The following MCMBP variants were observed in gnomAD, a reference collection of about 807,000 sequenced individuals.
MCMBP encodes the protein minichromosome maintenance complex binding protein.
Under a neutral mutation model 81.3 loss-of-function variants are expected in MCMBP, and 31 were observed. The observed-to-expected ratio is 0.38, with a 90% CI of 0.29 to 0.51. MCMBP has a LOEUF of 0.51. Ranked by LOEUF, MCMBP falls within the 20% of genes least tolerant of loss-of-function variation. The pLI, the probability that MCMBP is intolerant of heterozygous loss-of-function variation, is 0.87. For missense variants in MCMBP, 645 were observed against 772.1 expected, an observed-to-expected ratio of 0.84 and a Z score of 1.95; for synonymous variants, 267 against 275.9, an observed-to-expected ratio of 0.97 and a Z score of 0.32.
At chr10:119,859,302 A>C (rs892533444) in intron 2 of MCMBP, 121 bp from the exon 3 acceptor site, 2 of 712,962 alleles carry the variant, frequency 2.8e-6, no homozygotes, top group Non-Finnish European at 4.3e-6. Flanking sequence ...ACACACACAC[A>C]CACCCATGCC....
At chr10:119,863,107 C>T (rs1342638775) in intron 1 of MCMBP, among the ~76,000 whole-genome samples, 2 of 152,142 alleles carry the variant, frequency 1.3e-5, no homozygotes, top group African/African-American at 2.4e-5. Flanking sequence ...CTTGTCTTTT[C>T]ATGCTCCTAA....
chr10:119,847,977 C>T (rs1264632432), intron 7 of MCMBP, among the ~76,000 whole-genome samples: 2 of 151,548 alleles, frequency 1.3e-5, no homozygotes, highest in Non-Finnish European at 2.9e-5. Flanking sequence ...AAGGCTTTTC[C>T]TAAAATTAAA....
intron 1 of MCMBP, among the ~76,000 whole-genome samples, chr10:119,868,722 TGGAGCAG>T (rs1450265948): frequency 2.6e-5 from 4 of 152,136 alleles, no homozygotes; most frequent in African/African-American, 9.7e-5. Flanking sequence ...TGCAGTAACA[TGGAGCAG>T]GGGTACCCTA....
At chr10:119,872,492 GC>G (rs1761340843) in intron 1 of MCMBP, 34 bp downstream of exon 1, 2 of 1,156,724 alleles carry the variant, frequency 1.7e-6, no homozygotes, top group Admixed American at 9.3e-5. Flanking sequence ...AAACTCGGCT[GC>G]CCGCCCGGCC....
rs1240177539 is a variant in MCMBP, at chr10:119,837,009, G to A, written c.1429C>T (p.Leu477=). 6.2e-7 allele frequency: 1 copy of A among 1,613,294 alleles called. No individual in the cohort carries two copies. Among genetic ancestry groups the A allele is most frequent in the African/African-American group, 1.3e-5 (1 of 74,820 alleles). ...DTPGVHNVTA[L]SNLITWQKVD... Reference sequence around the variant, plus strand: ...TTCTGCCACGTTATGAGGTTGCTCAGGGCTGTCACATTATGAACACCTACA... The same window carrying A: ...TTCTGCCACGTTATGAGGTTGCTCAAGGCTGTCACATTATGAACACCTACA... The change falls in exon 13 of 16, where the codon CTG becomes TTG. Residue 477 remains leucine, a synonymous_variant. Coordinates refer to ENST00000369077, the MANE Select transcript of MCMBP (RefSeq NM_001256378.2).
At chr10:119,871,744 C>A (rs1395679444) in intron 1 of MCMBP, among the ~76,000 whole-genome samples, 1 of 152,166 alleles carries the variant, frequency 6.6e-6, no homozygotes, top group African/African-American at 2.4e-5. Flanking sequence ...CCACTCATTA[C>A]GTGTAAAAAG....
intron 5 of MCMBP, 24 bp from the exon 6 acceptor site, chr10:119,853,218 A>G (rs372944394): frequency 1.9e-6 from 3 of 1,591,048 alleles, no homozygotes; most frequent in Non-Finnish European, 1.7e-6. Flanking sequence ...TTAAGAAAAG[A>G]CTATCATAAA....
chr10:119,872,250 C>T (rs1028809469), intron 1 of MCMBP, among the ~76,000 whole-genome samples: 20 of 151,854 alleles, frequency 1.3e-4, no homozygotes, highest in African/African-American at 4.8e-4. Context: ...TCAATCACAG[C>T]CCGCGAATCA....
intron 1 of MCMBP, among the ~76,000 whole-genome samples, chr10:119,865,468 G>A (rs1456677631): frequency 6.6e-6 from 1 of 152,162 alleles, no homozygotes; most frequent in Non-Finnish European, 1.5e-5. Flanking sequence ...GGTGGTACCT[G>A]TAATCCCAGC....
intron 13 of MCMBP, 77 bp downstream of exon 13, chr10:119,836,819 G>A: frequency 2.0e-6 from 1 of 500,446 alleles, no homozygotes; most frequent in South Asian, 3.1e-5. Context: ...TTATTAATAA[G>A]CGGTACCAAG....
chr10:119,838,065 C>T (rs1431689346), intron 12 of MCMBP, among the ~76,000 whole-genome samples: 3 of 151,716 alleles, frequency 2.0e-5, no homozygotes, highest in East Asian at 3.9e-4. Context: ...CGCAAAAGAA[C>T]CCAACACTGT....
Position 119,849,356 on chromosome 10 carries a change from G to A in MCMBP, c.726+69C>T, listed in dbSNP as rs2134368288. On this transcript the variant is annotated intron_variant, in intron 7 of 15. Transcript: ENST00000369077. ...CCAGCACAAGGGAACAAATGCAAATGCTCAGACACTAAGCTACTTTCTGAG... is the reference window on the plus strand; with the variant it reads ...CCAGCACAAGGGAACAAATGCAAATACTCAGACACTAAGCTACTTTCTGAG... 2.0e-6 allele frequency: 3 copies of A among 1,493,326 alleles called. No individual in the cohort carries two copies. In the African/African-American group the frequency reaches 4.3e-5, roughly 21 times the overall value. The allele number at this position is 1,493,326 out of a possible 1,614,324, so 92.5% of individuals were successfully genotyped here.
intron 7 of MCMBP, 126 bp downstream of exon 7, chr10:119,849,299 T>C (rs1852727158): frequency 1.0e-6 from 1 of 956,428 alleles, no homozygotes. Flanking sequence ...TGCTTTAGGC[T>C]ATTAAATTTG....
intron 6 of MCMBP, among the ~76,000 whole-genome samples, chr10:119,851,443 T>C (rs1211951108): frequency 6.6e-6 from 1 of 152,174 alleles, no homozygotes; most frequent in Non-Finnish European, 1.5e-5. Context: ...GTTACTATGA[T>C]ATTTATTTGA....
At chr10:119,862,512 A>C (rs1853296316) in intron 1 of MCMBP, among the ~76,000 whole-genome samples, 1 of 152,164 alleles carries the variant, frequency 6.6e-6, no homozygotes, top group African/African-American at 2.4e-5. Flanking sequence ...ACTCCCCAAC[A>C]CATTTGTATA....
chr10:119,851,234 T>C (rs569193542), intron 6 of MCMBP, among the ~76,000 whole-genome samples: 27 of 152,164 alleles, frequency 1.8e-4, no homozygotes, highest in Non-Finnish European at 3.2e-4. Context: ...TTTAAAAATA[T>C]GTATAGCCTA....
chr10:119,830,103 G>A lies in MCMBP; in HGVS notation c.*1371C>T, dbSNP rs1465637241. The A allele has an allele frequency of 6.6e-6, 1 of 152,564 alleles. No homozygotes were observed. Among genetic ancestry groups the A allele is most frequent in the Non-Finnish European group, 1.5e-5 (1 of 68,020 alleles). The allele number at this position is 152,564 out of a possible 1,614,324, so 9.5% of individuals were successfully genotyped here. On this transcript the variant is annotated 3_prime_UTR_variant, in exon 16 of 16. Transcript: ENST00000369077. The stretch of plus-strand genomic sequence containing the variant: ...TTTATAAAAATAGATTTGAGTTTAG[G>A]AAAAGTTGAACAACTAGTTATTTTT...
intron 6 of MCMBP, among the ~76,000 whole-genome samples, chr10:119,851,045 G>GT: frequency 6.6e-6 from 1 of 151,674 alleles, no homozygotes; most frequent in East Asian, 2.0e-4. Context: ...GCTAATTTTT[G>GT]TATTTTTAGT....
In MCMBP at chr10:119,837,143, G is replaced by A. The variant is rs193207423; in HGVS notation, c.1409-114C>T. 2.6e-4 allele frequency: 280 copies of A among 1,084,088 alleles called. 1 individual carries two copies. In the African/African-American group the frequency reaches 4.0e-3, roughly 16 times the overall value. The allele number at this position is 1,084,088 out of a possible 1,614,324, so 67.2% of individuals were successfully genotyped here. On this transcript the variant is annotated intron_variant, in intron 12 of 15. Coordinates refer to ENST00000369077, the MANE Select transcript of MCMBP (RefSeq NM_001256378.2). ...TTCTACCACTTTTAATAAAGGGTAT[G>A]AGGCGCTGTCCAGTTTACTAAGCTA... is the stretch of plus-strand genomic sequence containing the variant.
Sources: gnomAD v4.1 joint callset for allele counts (sites outside exome capture counted in the v4.1 genomes callset) on GRCh38, gnomAD v4.1.1 for gene constraint, MANE v1.5 for transcripts, NCBI Gene and HGNC (gene_info 2026-07-23, HGNC 2026-07-21) for gene names.